The following FGFR1 variants were observed in gnomAD, a reference collection of about 807,000 sequenced individuals.
The protein encoded by FGFR1 is fibroblast growth factor receptor 1.
Under a neutral mutation model 93.7 loss-of-function variants are expected in FGFR1, and 18 were observed. The ratio of observed to expected loss-of-function variants is 0.19; its 90% confidence interval spans 0.13 to 0.28. The LOEUF is 0.28. Among genes scored for constraint, FGFR1 ranks in the 10% least tolerant of loss-of-function variants. The probability of loss-of-function intolerance (pLI) is 1.00; values close to 1 mark genes in which losing one functional copy is unlikely to be tolerated. For missense variants in FGFR1, 731 were observed against 1,080.4 expected (o/e 0.68, Z 4.53); for synonymous variants, 448 against 429.3 (o/e 1.04, Z -0.54).
chr8:38,426,338 A>C lies in FGFR1; in HGVS notation c.622-93T>G, dbSNP rs2150871573. On this transcript the variant is annotated intron_variant, in intron 5 of 17. Transcript: ENST00000447712. This position sits in a 1 kb window ranked among gnomAD's most constrained non-coding sequence, Gnocchi z 4.1. ...GCACCCCGTGGCACCTGCCCTCCATATCAGAGCCTGGTGGCACAGGGCCCC... is the reference window on the plus strand; with the variant it reads ...GCACCCCGTGGCACCTGCCCTCCATCTCAGAGCCTGGTGGCACAGGGCCCC... 6.4e-7 allele frequency: 1 copy of C among 1,563,462 alleles called. No individual in the cohort carries two copies. The highest frequency in any genetic ancestry group is 8.7e-7 in the Non-Finnish European group (1 of 1,145,068).
In FGFR1 at chr8:38,424,166, T is replaced by C. The variant is rs915684756; in HGVS notation, c.936+343A>G. 4 of 446,168 alleles carry C rather than the reference T, an allele frequency of 9.0e-6. No individual in the cohort carries two copies. The highest frequency in any genetic ancestry group is 2.0e-5 in the African/African-American group (1 of 49,886). The allele number at this position is 446,168 out of a possible 1,614,324, so 27.6% of individuals were successfully genotyped here. A position where few individuals can be genotyped will look rare whatever the true frequency, so the allele number is the denominator to read the frequency against. ...ACACAGGGCTAAGACTGGGAAACGC[T>C]TGGTGGAAAGGCTCTGGTTTCGGGC... On this transcript the variant is annotated intron_variant, in intron 7 of 17. Transcript: ENST00000447712. The surrounding 1 kb of genome is among the most constrained non-coding windows in gnomAD (Gnocchi z 4.3).
chr8:38,415,656 G>A (rs777366532), intron 13 of FGFR1, among the ~76,000 whole-genome samples: 7 of 152,036 alleles, frequency 4.6e-5, no homozygotes, highest in African/African-American at 1.7e-4. Flanking sequence ...TGCACAGATC[G>A]GACCCTGCAT....
rs375358160 is a variant in FGFR1, at chr8:38,464,971, A to T, written c.-89+3010T>A. ...CTTGTTTCAGGTCAATACTGAAAAC[A>T]AAGAGCACACCACTAAAAGCAAAAC... is the stretch of plus-strand genomic sequence containing the variant. On this transcript the variant is annotated intron_variant, in intron 1 of 17. Transcript: ENST00000447712. Among the ~76,000 whole-genome samples, 13 of 152,350 alleles carry T rather than the reference A, an allele frequency of 8.5e-5. No homozygotes were observed. In the South Asian group the frequency reaches 2.1e-3, roughly 24 times the overall value.
intron 1 of FGFR1, among the ~76,000 whole-genome samples, chr8:38,464,878 A>G (rs890582254): frequency 6.6e-6 from 1 of 152,258 alleles, no homozygotes; most frequent in African/African-American, 2.4e-5. Context: ...AAGGCAAGAA[A>G]AAAGCCTTTG....
At chr8:38,432,370 T>G (rs2150998542) in intron 2 of FGFR1, among the ~76,000 whole-genome samples, 1 of 152,248 alleles carries the variant, frequency 6.6e-6, no homozygotes, top group Admixed American at 6.5e-5. Context: ...GGCTCAGGTA[T>G]GCTCTGTCCT....
chr8:38,430,008 G>A (rs1822399380), intron 2 of FGFR1, 60 bp from the exon 3 acceptor site: 8 of 1,498,774 alleles, frequency 5.3e-6, no homozygotes, highest in East Asian at 2.4e-5. Flanking sequence ...GACAGGGAGA[G>A]GGGAGGAGGG....
intron 2 of FGFR1, among the ~76,000 whole-genome samples, chr8:38,457,016 T>C (rs1181939408): frequency 1.3e-5 from 2 of 152,238 alleles, no homozygotes; most frequent in African/African-American, 2.4e-5. Flanking sequence ...CTGCATTTTA[T>C]ACATCACCTA....
chr8:38,461,947 A>T (rs1173751424), intron 1 of FGFR1, among the ~76,000 whole-genome samples: 3 of 152,168 alleles, frequency 2.0e-5, no homozygotes, highest in Admixed American at 1.3e-4. Context: ...GGAACTTCCA[A>T]CCTTTCCAAA....
chr8:38,438,002 C>CTAGG lies in FGFR1; in HGVS notation c.92-8058_92-8055dup, dbSNP rs559613793. Among the ~76,000 whole-genome samples, 296 of 152,340 alleles carry CTAGG rather than the reference C, an allele frequency of 1.9e-3. 2 individuals carry two copies. Among genetic ancestry groups the CTAGG allele is most frequent in the Non-Finnish European group, 2.6e-3 (176 of 68,036 alleles). ...TACCATGTGCCTTCCCATATATTAT[C>CTAGG]TAGGGATCCATAAACATCTGAGTAA... is the stretch of plus-strand genomic sequence containing the variant. On this transcript the variant is annotated intron_variant, in intron 2 of 17. Transcript: ENST00000447712.
chr8:38,450,444 C>A (rs540868248), intron 2 of FGFR1, among the ~76,000 whole-genome samples: 1 of 152,178 alleles, frequency 6.6e-6, no homozygotes, highest in African/African-American at 2.4e-5. Flanking sequence ...AGCTGCTGGT[C>A]GGGCTCTCTG....
At chr8:38,433,057 G>A (rs1218564817) in intron 2 of FGFR1, among the ~76,000 whole-genome samples, 1 of 152,158 alleles carries the variant, frequency 6.6e-6, no homozygotes, top group Non-Finnish European at 1.5e-5. Flanking sequence ...ACGTCCAGGG[G>A]CTGGGTGCAG....
intron 3 of FGFR1, chr8:38,428,976 A>G (rs779442021): frequency 1.2e-4 from 37 of 302,168 alleles, no homozygotes; most frequent in African/African-American, 4.2e-4. Flanking sequence ...CCTCTCCCCA[A>G]TAAGTATTTA....
intron 2 of FGFR1, 103 bp from the exon 3 acceptor site, chr8:38,430,051 A>C (rs1822414857): frequency 8.4e-7 from 1 of 1,185,230 alleles, no homozygotes; most frequent in East Asian, 2.6e-5. Context: ...GGCCACACGG[A>C]GCCGCACCAT....
chr8:38,428,133 G>C, intron 4 of FGFR1, 40 bp from the exon 5 acceptor site: 1 of 1,612,730 alleles, frequency 6.2e-7, no homozygotes, highest in Non-Finnish European at 8.5e-7. Context: ...AGGGTGGAGA[G>C]GAGCAGCTGG....
intron 1 of FGFR1, among the ~76,000 whole-genome samples, chr8:38,464,312 C>CAAA (rs56133772): frequency 1.9e-4 from 16 of 82,374 alleles, no homozygotes; most frequent in African/African-American, 4.2e-4. Flanking sequence ...GAGACTATCT[C>CAAA]AAAAAAAAAA....
chr8:38,467,677 A>AGCC (rs1287553922), intron 1 of FGFR1: 3 of 233,464 alleles, frequency 1.3e-5, no homozygotes, highest in African/African-American at 4.4e-5. Context: ...CTCACTGAGG[A>AGCC]GCCGCCGCCG....
At chr8:38,465,445 T>A (rs944863286) in intron 1 of FGFR1, 1 of 231,928 alleles carries the variant, frequency 4.3e-6, no homozygotes, top group Admixed American at 5.6e-5. Context: ...CAACAGATAT[T>A]TCAAGCAGCT....
At chr8:38,422,017 G>A (rs1818992290) in intron 7 of FGFR1, 76 bp from the exon 8 acceptor site, 1 of 1,546,828 alleles carries the variant, frequency 6.5e-7, no homozygotes, top group Non-Finnish European at 8.9e-7. Context: ...AAGGGAAGGA[G>A]ACAGAAAGAA....
chr8:38,428,114 G>A (rs2150921295), intron 4 of FGFR1, 21 bp from the exon 5 acceptor site: 1 of 1,613,736 alleles, frequency 6.2e-7, no homozygotes, highest in Non-Finnish European at 8.5e-7. Context: ...AAAGCCAAGA[G>A]AGACAGGCAG....
Sources: allele counts gnomAD v4.1 joint callset (sites outside exome capture counted in the v4.1 genomes callset), GRCh38; gene constraint gnomAD v4.1.1; non-coding constraint Gnocchi (gnomAD v3.1); transcripts MANE v1.5; gene names NCBI Gene and HGNC (gene_info 2026-07-23, HGNC 2026-07-21).